Variants in TTYH1 observed in about 807,000 individuals in gnomAD.
TTYH1 encodes the protein tweety family member 1.
In TTYH1, 33 loss-of-function variants were observed where a neutral mutation model predicts 61.2. That is an observed-to-expected ratio of 0.54 (90% CI 0.41 to 0.72). The LOEUF is 0.72. Ranked by LOEUF, TTYH1 falls within the 30% of genes least tolerant of loss-of-function variation. The pLI is 0.00. For missense variants in TTYH1, 538 were observed against 575.8 expected (o/e 0.93, Z 0.67); for synonymous variants, 308 against 266.4 (o/e 1.16, Z -1.52).
At chr19:54,427,687 C>T (rs1419276654) in intron 5 of TTYH1, among the ~76,000 whole-genome samples, 1 of 152,172 alleles carries the variant, frequency 6.6e-6, no homozygotes, top group East Asian at 1.9e-4. Context: ...CAGTTGCCTC[C>T]ACCCCATGAA....
At chr19:54,428,723 G>A (rs2083377957) in intron 5 of TTYH1, among the ~76,000 whole-genome samples, 1 of 152,114 alleles carries the variant, frequency 6.6e-6, no homozygotes, top group South Asian at 2.1e-4. Context: ...TGAGAGAGTG[G>A]GAGAGACCCC....
intron 5 of TTYH1, 70 bp downstream of exon 5, chr19:54,426,838 C>A: frequency 3.6e-6 from 5 of 1,388,140 alleles, no homozygotes; most frequent in Admixed American, 1.7e-5. Flanking sequence ...CTCAGTCTTA[C>A]AACTCTCCTA....
intron 4 of TTYH1, among the ~76,000 whole-genome samples, chr19:54,423,280 C>T (rs12981208): frequency 0.28 from 42,231 of 150,438 alleles, 6,600 homozygotes; most frequent in East Asian, 0.5. Flanking sequence ...TCACTGCAAC[C>T]TCCGCCTCCT....
At chr19:54,435,457 G>T in intron 10 of TTYH1, 85 bp from the exon 11 acceptor site, 1 of 1,483,886 alleles carries the variant, frequency 6.7e-7, no homozygotes, top group Admixed American at 2.0e-5. Flanking sequence ...TACCACAGCC[G>T]GGAGGACGGT....
At chr19:54,418,979 G>T (rs2083145082) in intron 1 of TTYH1, 149 bp from the exon 2 acceptor site, 1 of 766,482 alleles carries the variant, frequency 1.3e-6, no homozygotes, top group African/African-American at 1.8e-5. Context: ...GGAGGGGCTG[G>T]GACCCAATCT....
chr19:54,430,597 T>C lies in TTYH1; in HGVS notation c.931T>C (p.Phe311Leu). ...LLCNRAVSNP[F>L]QQRLTLSQRA... is the part of the protein sequence containing the mutation. ...CTGCAACCGGGCCGTCTCCAACCCC[T>C]TCCAACAGGTTAGGGCTGCGGGCAG... is the stretch of plus-strand genomic sequence containing the variant. The change falls in exon 8 of 14, where the codon TTC becomes CTC. Residue 311 changes from phenylalanine (F) to leucine (L), a missense_variant. Physicochemically the swap from Phe to Leu is conservative, Grantham distance 22. Coordinates refer to ENST00000376530, the MANE Select transcript of TTYH1 (RefSeq NM_020659.4). The C allele has an allele frequency of 6.2e-7, 1 of 1,613,814 alleles. No individual in the cohort carries two copies. Among genetic ancestry groups the C allele is most frequent in the South Asian group, 1.1e-5 (1 of 91,074 alleles).
At position 54,415,538 on chromosome 19, in the gene TTYH1, C is replaced by A; in HGVS notation, c.-15C>A. On this transcript the variant is annotated 5_prime_UTR_variant, in exon 1 of 14. Coordinates refer to ENST00000376530, the MANE Select transcript of TTYH1 (RefSeq NM_020659.4). This position sits in a 1 kb window ranked among gnomAD's most constrained non-coding sequence, Gnocchi z 5.2. ...AGCCCCGGCGTCCGCCCCGCTGCCC[C>A]CTCCCCCGGGGGCCATGGGGGCGCC... 6.9e-7 allele frequency: 1 copy of A among 1,447,672 alleles called. No individual in the cohort carries two copies. Among genetic ancestry groups the A allele is most frequent in the Non-Finnish European group, 9.1e-7 (1 of 1,104,144 alleles). The allele number at this position is 1,447,672 out of a possible 1,614,324, so 89.7% of individuals were successfully genotyped here.
Position 54,419,264 on chromosome 19 carries a change from G to C in TTYH1, c.263G>C (p.Gly88Ala), listed in dbSNP as rs758009799. Residue 88 changes from glycine to alanine, a missense_variant, in exon 2 of 14, where the codon GGC becomes GCC. Physicochemically the swap from Gly to Ala is moderately conservative, Grantham distance 60. Coordinates refer to ENST00000376530, the MANE Select transcript of TTYH1 (RefSeq NM_020659.4). This position sits in a 1 kb window ranked among gnomAD's most constrained non-coding sequence, Gnocchi z 6.1. ...PGSKIPSPGG[G>A]CVTWSCIVAL... The stretch of plus-strand genomic sequence containing the variant: ...TCCAAGATCCCCTCGCCCGGGGGAG[G>C]CTGCGTCACCTGGAGCTGCATTGTC... 2 of 1,605,598 alleles carry C rather than the reference G, an allele frequency of 1.2e-6. No homozygotes were observed. Among genetic ancestry groups the C allele is most frequent in the East Asian group, 2.2e-5 (1 of 44,884 alleles).
chr19:54,417,510 A>C (rs1207269786), intron 1 of TTYH1, among the ~76,000 whole-genome samples: 2 of 151,922 alleles, frequency 1.3e-5, no homozygotes, highest in Non-Finnish European at 2.9e-5. Flanking sequence ...TCACATGGAT[A>C]TACCCACTTA....
Position 54,424,598 on chromosome 19 carries a change from C to T in TTYH1, c.639-2075C>T, listed in dbSNP as rs538888144. On this transcript the variant is annotated intron_variant, in intron 4 of 13. Transcript: ENST00000376530. The stretch of plus-strand genomic sequence containing the variant: ...CCGGGCCTCAGCTCCTTCTCCTGGG[C>T]GAGGGCAGGGAAGTGGTGGGAGCCA... Among the ~76,000 whole-genome samples, 344 of 152,296 alleles carry T rather than the reference C, an allele frequency of 2.3e-3. 1 individual carries two copies. In the Middle Eastern group the frequency reaches 0.027, roughly 12 times the overall value.
At chr19:54,428,865 CT>C (rs1304758038) in intron 5 of TTYH1, among the ~76,000 whole-genome samples, 1 of 152,166 alleles carries the variant, frequency 6.6e-6, no homozygotes, top group African/African-American at 2.4e-5. Flanking sequence ...GACACGCCCC[CT>C]GCACCCCTCC....
rs371616044 is a variant in TTYH1, at chr19:54,436,830, C to T, written c.*540C>T. On this transcript the variant is annotated 3_prime_UTR_variant, in exon 14 of 14. Transcript: ENST00000376530. This position sits in a 1 kb window ranked among gnomAD's most constrained non-coding sequence, Gnocchi z 4.3. ...GCCTCCCAGCTGCCAGGAATTTCTG[C>T]GCCTGTCCAGGCTCAGCAAGGGGTC... The T allele has an allele frequency of 1.9e-4, 32 of 167,980 alleles. No homozygotes were observed. The East Asian group carries it at 3.2e-3, about 17-fold the overall frequency. The allele number at this position is 167,980 out of a possible 1,614,324, so 10.4% of individuals were successfully genotyped here.
chr19:54,425,294 G>A (rs947504063), intron 4 of TTYH1, among the ~76,000 whole-genome samples: 4 of 152,230 alleles, frequency 2.6e-5, no homozygotes, highest in African/African-American at 9.6e-5. Flanking sequence ...AGCTCAAGCC[G>A]TAACAGACAC....
chr19:54,435,057 AGCTGGCGGTG>A (rs147720118), intron 10 of TTYH1: 1,692 of 156,968 alleles, frequency 0.011, 32 homozygotes, highest in African/African-American at 0.038. Flanking sequence ...ACCAAGGCGG[AGCTGGCGGTG>A]GCTGGCCTGT....
Position 54,416,813 on chromosome 19 carries a change from T to A in TTYH1, c.126+1135T>A, listed in dbSNP as rs1569248246. On this transcript the variant is annotated intron_variant, in intron 1 of 13. Transcript: ENST00000376530. The surrounding 1 kb of genome is among the most constrained non-coding windows in gnomAD (Gnocchi z 7.0). ...GCCTCGCGGTTACACAACGGCCACC[T>A]CCAACAACGCCGCTCCACCGGCTCC... The A allele has an allele frequency of 1.8e-5, 23 of 1,293,748 alleles. No homozygotes were observed. The highest frequency in any genetic ancestry group is 2.3e-5 in the Non-Finnish European group (23 of 988,640). 80.1% of individuals were successfully genotyped at this position (1,293,748 alleles called of 1,614,324 possible).
Position 54,420,132 on chromosome 19 carries a change from T to C in TTYH1, c.305+826T>C, listed in dbSNP as rs1156349977. Among the ~76,000 whole-genome samples, 29 of 152,182 alleles carry C rather than the reference T, an allele frequency of 1.9e-4. No homozygotes were observed. The South Asian group carries it at 5.0e-3, about 26-fold the overall frequency. On this transcript the variant is annotated intron_variant, in intron 2 of 13. Transcript: ENST00000376530. The surrounding 1 kb of genome is among the most constrained non-coding windows in gnomAD (Gnocchi z 4.8). ...CAAAGCGAGCTTAGGGGGCTTCCAA[T>C]GTGAACACACCAGCTACCAAGAACG... is the stretch of plus-strand genomic sequence containing the variant.
intron 11 of TTYH1, 63 bp downstream of exon 11, chr19:54,435,747 C>CGGT (rs2083534723): frequency 1.2e-6 from 2 of 1,611,350 alleles, no homozygotes; most frequent in Non-Finnish European, 1.7e-6. Flanking sequence ...CTGGGGACCA[C>CGGT]GGTGGCAGTG....
intron 1 of TTYH1, among the ~76,000 whole-genome samples, chr19:54,417,363 CACAT>C (rs1195771459): frequency 1.3e-5 from 2 of 151,090 alleles, no homozygotes; most frequent in Admixed American, 6.6e-5. Context: ...CATGCACACA[CACAT>C]ATGCACAGGT....
intron 4 of TTYH1, among the ~76,000 whole-genome samples, chr19:54,426,056 C>T (rs1339184457): frequency 2.0e-5 from 3 of 152,230 alleles, no homozygotes; most frequent in East Asian, 1.9e-4. Flanking sequence ...CCCTCGTTCA[C>T]GCTCAGGCTA....
Sources: gnomAD v4.1 joint callset for allele counts (sites outside exome capture counted in the v4.1 genomes callset) on GRCh38, gnomAD v4.1.1 for gene constraint, Gnocchi (gnomAD v3.1) non-coding constraint, MANE v1.5 for transcripts, NCBI Gene and HGNC (gene_info 2026-07-23, HGNC 2026-07-21) for gene names.